The following PPP3CC variants were observed in gnomAD, a reference collection of about 807,000 sequenced individuals.
PPP3CC encodes serine/threonine-protein phosphatase 2B catalytic subunit gamma isoform.
A neutral mutation model predicts 60.3 loss-of-function variants in PPP3CC; 35 were observed. The ratio of observed to expected loss-of-function variants is 0.58; its 90% confidence interval spans 0.44 to 0.77. The LOEUF is 0.77. Among genes scored for constraint, PPP3CC ranks in the 30% least tolerant of loss-of-function variants. PPP3CC has a pLI of 0.00. For missense variants in PPP3CC, 570 were observed against 628.9 expected (o/e 0.91, Z 1.00); for synonymous variants, 206 against 224.3 (o/e 0.92, Z 0.73).
intron 10 of PPP3CC, among the ~76,000 whole-genome samples, chr8:22,531,501 A>C (rs1466138688): frequency 1.3e-5 from 2 of 152,112 alleles, no homozygotes; most frequent in African/African-American, 2.4e-5. Flanking sequence ...CAGGGTGCTG[A>C]GGGTTGGATG....
chr8:22,514,915 T>C (rs913795915), intron 6 of PPP3CC, among the ~76,000 whole-genome samples: 3 of 152,082 alleles, frequency 2.0e-5, no homozygotes, highest in African/African-American at 7.2e-5. Context: ...TAACCTCAAG[T>C]GATCCACCCA....
At chr8:22,499,022 G>A (rs1469966755) in intron 4 of PPP3CC, among the ~76,000 whole-genome samples, 2 of 152,070 alleles carry the variant, frequency 1.3e-5, no homozygotes, top group Middle Eastern at 3.2e-3. Flanking sequence ...TACTCAGGAC[G>A]CTGAGGCAGG....
chr8:22,469,686 C>T (rs1837656342), intron 1 of PPP3CC, among the ~76,000 whole-genome samples: 1 of 152,076 alleles, frequency 6.6e-6, no homozygotes, highest in South Asian at 2.1e-4. Flanking sequence ...AGCTAAGCTG[C>T]AGCCAACAGC....
chr8:22,457,741 T>C (rs1176765087), intron 1 of PPP3CC, among the ~76,000 whole-genome samples: 5 of 152,260 alleles, frequency 3.3e-5, no homozygotes, highest in South Asian at 4.1e-4. Context: ...TCTTGTTTTA[T>C]GCGAATTCTA....
At chr8:22,532,500 G>A (rs1839743529) in intron 11 of PPP3CC, among the ~76,000 whole-genome samples, 194 bp downstream of exon 11, 1 of 152,236 alleles carries the variant, frequency 6.6e-6, no homozygotes, top group African/African-American at 2.4e-5. Context: ...TAGCTTAGAT[G>A]TAGTGAATGT....
chr8:22,441,509 GCTGGGCGGCGGCT>G (rs1295119771), intron 1 of PPP3CC, 51 bp downstream of exon 1: 1 of 1,495,268 alleles, frequency 6.7e-7, no homozygotes, highest in Non-Finnish European at 8.9e-7. Context: ...ACGGCCTTCG[GCTGGGCGGCGGCT>G]CGGGGCGGAG....
At chr8:22,471,898 C>T (rs927515522) in intron 1 of PPP3CC, among the ~76,000 whole-genome samples, 8 of 151,956 alleles carry the variant, frequency 5.3e-5, no homozygotes, top group African/African-American at 1.2e-4. Context: ...ATGCTGAGGT[C>T]GGCAGATCAC....
intron 8 of PPP3CC, among the ~76,000 whole-genome samples, chr8:22,524,614 C>T (rs1839491862): frequency 6.6e-6 from 1 of 152,126 alleles, no homozygotes; most frequent in Admixed American, 6.5e-5. Flanking sequence ...TGTTGTTAAA[C>T]GTCTTCAAGG....
rs186876645 is a variant in PPP3CC, at chr8:22,524,086, T to C, written c.943+1337T>C. Among the ~76,000 whole-genome samples, 18 of 152,274 alleles carry C rather than the reference T, an allele frequency of 1.2e-4. No homozygotes were observed. In the East Asian group the frequency reaches 3.5e-3, roughly 29 times the overall value. ...TGAAGATAAGTTGGAATAAGGAAAA[T>C]GGATATTAAAGTGTTGTTCAAAATA... On this transcript the variant is annotated intron_variant, in intron 8 of 13. Coordinates refer to ENST00000240139, the MANE Select transcript of PPP3CC (RefSeq NM_005605.5).
intron 8 of PPP3CC, among the ~76,000 whole-genome samples, chr8:22,526,759 A>G (rs374250581): frequency 2.8e-4 from 42 of 152,368 alleles, no homozygotes; most frequent in African/African-American, 9.6e-4. Context: ...GTGTGCGACT[A>G]TCTGAATGGT....
At chr8:22,450,624 G>T (rs1470784513) in intron 1 of PPP3CC, among the ~76,000 whole-genome samples, 1 of 152,036 alleles carries the variant, frequency 6.6e-6, no homozygotes, top group Non-Finnish European at 1.5e-5. Flanking sequence ...CGCTGTCATC[G>T]TGATCTGTGA....
At chr8:22,476,715 G>A (rs1482420878) in intron 3 of PPP3CC, among the ~76,000 whole-genome samples, 4 of 151,760 alleles carry the variant, frequency 2.6e-5, no homozygotes, top group African/African-American at 7.3e-5. Context: ...GGCAGATTAC[G>A]AAGTCAGGAG....
intron 10 of PPP3CC, among the ~76,000 whole-genome samples, chr8:22,530,829 C>CAAACAAAAAAAAAAAAAAAAAAAAA (rs1839691242): frequency 3.4e-5 from 2 of 58,034 alleles, no homozygotes; most frequent in African/African-American, 1.0e-4. Context: ...AGACTCATCT[C>CAAACAAAAAAAAAAAAAAAAAAAAA]AAAAAAAAAA....
At position 22,493,639 on chromosome 8, in the gene PPP3CC, C is replaced by T. The variant is rs148333668; in HGVS notation, c.373-4362C>T. Among the ~76,000 whole-genome samples the T allele has an allele frequency of 4.4e-3, 671 of 152,210 alleles. 6 individuals carry two copies. The highest frequency in any genetic ancestry group is 0.016 in the African/African-American group (649 of 41,542). ...TACAGAGGGTCAGGATCATCAATAT[C>T]ACTGCCTTTCACCTCCACATCTTGT... On this transcript the variant is annotated intron_variant, in intron 3 of 13. Transcript: ENST00000240139.
At chr8:22,522,346 C>G (rs1202363328) in intron 6 of PPP3CC, 145 bp from the exon 7 acceptor site, 6 of 620,620 alleles carry the variant, frequency 9.7e-6, no homozygotes, top group Admixed American at 3.0e-5. Flanking sequence ...ATGATGAGTA[C>G]TAAGCTATTC....
chr8:22,521,882 A>C (rs1366760756), intron 6 of PPP3CC, among the ~76,000 whole-genome samples: 1 of 151,704 alleles, frequency 6.6e-6, no homozygotes, highest in Non-Finnish European at 1.5e-5. Flanking sequence ...ATCTGCTCCT[A>C]AAATATTCCT....
At chr8:22,484,008 AT>A (rs113767441) in intron 3 of PPP3CC, among the ~76,000 whole-genome samples, 6,898 of 145,826 alleles carry the variant, frequency 0.047, 204 homozygotes, top group South Asian at 0.11. Flanking sequence ...CACTTGGCTA[AT>A]TTTTTTTTTT....
intron 1 of PPP3CC, among the ~76,000 whole-genome samples, chr8:22,472,696 G>A (rs1253205518): frequency 1.3e-5 from 2 of 152,096 alleles, no homozygotes; most frequent in Non-Finnish European, 2.9e-5. Flanking sequence ...GTGTATTAAT[G>A]AAAACCTTTC....
At chr8:22,508,114 G>T (rs1486045063) in intron 4 of PPP3CC, among the ~76,000 whole-genome samples, 3 of 152,022 alleles carry the variant, frequency 2.0e-5, no homozygotes, top group African/African-American at 7.2e-5. Flanking sequence ...AAATTAGCTG[G>T]GTGTGGTGGT....
Sources: gnomAD v4.1 joint callset for allele counts (sites outside exome capture counted in the v4.1 genomes callset) on GRCh38, gnomAD v4.1.1 for gene constraint, MANE v1.5 for transcripts, NCBI Gene and HGNC (gene_info 2026-07-23, HGNC 2026-07-21) for gene names.